The following RPRD1A variants were observed in gnomAD, a reference collection of about 807,000 sequenced individuals.
RPRD1A encodes regulation of nuclear pre-mRNA domain-containing protein 1A.
In RPRD1A, 9 loss-of-function variants were observed where a neutral mutation model predicts 37.8. The observed-to-expected ratio is 0.24, with a 90% CI of 0.14 to 0.42. The LOEUF is 0.42. RPRD1A is among the 10% of genes least tolerant of loss of function. RPRD1A has a pLI of 1.00. For missense variants in RPRD1A, 255 were observed against 371.0 expected, an observed-to-expected ratio of 0.69 and a Z score of 2.57; for synonymous variants, 138 against 139.7, an observed-to-expected ratio of 0.99 and a Z score of 0.08.
intron 1 of RPRD1A, among the ~76,000 whole-genome samples, chr18:36,042,913 T>C (rs1228890904): frequency 6.6e-6 from 1 of 152,168 alleles, no homozygotes; most frequent in Non-Finnish European, 1.5e-5. Context: ...TGCACATACC[T>C]TCTTCACCTT....
chr18:36,008,573 G>GTATGTATGTA lies in RPRD1A; in HGVS notation c.790-15274_790-15273insTACATACATA, dbSNP rs1339247337. 1.8e-3 allele frequency among the ~76,000 whole-genome samples: 66 copies of GTATGTATGTA among 36,632 alleles called. 1 individual carries two copies. Among genetic ancestry groups the GTATGTATGTA allele is most frequent in the African/African-American group, 7.7e-3 (62 of 8,102 alleles). The allele number at this position is 36,632 out of a possible 152,430, so 24.0% of individuals were successfully genotyped here. On this transcript the variant is annotated intron_variant, in intron 6 of 6. Transcript: ENST00000399022. ...CCTGGGCGACACAGCAAGACCTTGT[G>GTATGTATGTA]TGTGTATATATATATATCTTTAAAA...
intron 1 of RPRD1A, among the ~76,000 whole-genome samples, chr18:36,046,861 T>C (rs1476439594): frequency 7.2e-6 from 1 of 137,940 alleles, no homozygotes; most frequent in African/African-American, 2.7e-5. Flanking sequence ...TCTCATAACA[T>C]AACCTCCCAA....
At chr18:36,007,634 T>G (rs192472948) in intron 6 of RPRD1A, among the ~76,000 whole-genome samples, 251 of 152,198 alleles carry the variant, frequency 1.6e-3, no homozygotes, top group Middle Eastern at 6.8e-3. Context: ...AATTTCCAGA[T>G]CGATCTACTA....
intron 1 of RPRD1A, among the ~76,000 whole-genome samples, chr18:36,041,083 G>A (rs1182885050): frequency 1.3e-5 from 2 of 152,164 alleles, no homozygotes; most frequent in African/African-American, 4.8e-5. Context: ...TTTCTGCATA[G>A]TCTCAAATAT....
chr18:36,050,621 A>G (rs1913313011), intron 1 of RPRD1A, among the ~76,000 whole-genome samples: 1 of 152,182 alleles, frequency 6.6e-6, no homozygotes, highest in Admixed American at 6.5e-5. Flanking sequence ...CAGATAGTCA[A>G]TAAGTACATG....
At chr18:36,038,894 C>T (rs980437100) in intron 1 of RPRD1A, among the ~76,000 whole-genome samples, 2 of 152,190 alleles carry the variant, frequency 1.3e-5, no homozygotes, top group Non-Finnish European at 2.9e-5. Flanking sequence ...TTTCTCCCTT[C>T]TGGAACAGGA....
intron 6 of RPRD1A, among the ~76,000 whole-genome samples, chr18:36,017,755 G>A (rs1314843007): frequency 6.6e-6 from 1 of 152,168 alleles, no homozygotes; most frequent in East Asian, 1.9e-4. Context: ...TGAGTGAACA[G>A]GCACAAAGGG....
chr18:36,054,671 C>T (rs150400803), intron 1 of RPRD1A, among the ~76,000 whole-genome samples: 183 of 152,130 alleles, frequency 1.2e-3, no homozygotes, highest in African/African-American at 4.0e-3. Context: ...ACAAGTCCCA[C>T]GATCTGCAGT....
intron 1 of RPRD1A, among the ~76,000 whole-genome samples, chr18:36,043,944 T>C (rs139880821): frequency 9.6e-4 from 146 of 152,306 alleles, no homozygotes; most frequent in African/African-American, 3.3e-3. Flanking sequence ...AGACTATCAC[T>C]GAGCAGAAAC....
intron 6 of RPRD1A, chr18:36,024,970 TTTC>T (rs1568128756): frequency 2.6e-5 from 4 of 152,230 alleles, no homozygotes; most frequent in South Asian, 4.1e-4. Context: ...ATTGAGGTGA[TTTC>T]TTCTTTATAA....
At chr18:36,007,557 C>A (rs1406217760) in intron 6 of RPRD1A, among the ~76,000 whole-genome samples, 1 of 152,186 alleles carries the variant, frequency 6.6e-6, no homozygotes, top group East Asian at 1.9e-4. Context: ...ATAACTGTTA[C>A]ACATTTTTGC....
chr18:36,034,791 T>C (rs1293996832), intron 1 of RPRD1A, among the ~76,000 whole-genome samples: 1 of 152,214 alleles, frequency 6.6e-6, no homozygotes, highest in African/African-American at 2.4e-5. Context: ...AGGCTACATG[T>C]GGTCCTCTAG....
At chr18:36,002,135 T>C (rs1219299035) in intron 6 of RPRD1A, among the ~76,000 whole-genome samples, 1 of 152,178 alleles carries the variant, frequency 6.6e-6, no homozygotes, top group Non-Finnish European at 1.5e-5. Flanking sequence ...GTTTCCTGGA[T>C]CAGTGGTTGG....
intron 1 of RPRD1A, among the ~76,000 whole-genome samples, chr18:36,046,342 C>T (rs1213012370): frequency 1.3e-5 from 2 of 152,138 alleles, no homozygotes; most frequent in Non-Finnish European, 2.9e-5. Context: ...GGCTGTATCA[C>T]AGGAGGCCTA....
intron 6 of RPRD1A, among the ~76,000 whole-genome samples, chr18:36,013,403 T>C (rs1330363917): frequency 2.0e-5 from 3 of 152,090 alleles, no homozygotes; most frequent in East Asian, 3.8e-4. Context: ...AATATACCTA[T>C]AATAAGATTT....
intron 1 of RPRD1A, among the ~76,000 whole-genome samples, chr18:36,039,410 A>G (rs756762519): frequency 1.3e-5 from 2 of 152,238 alleles, no homozygotes; most frequent in Non-Finnish European, 2.9e-5. Flanking sequence ...TATAACCAGG[A>G]GACAGTTATA....
intron 6 of RPRD1A, among the ~76,000 whole-genome samples, chr18:36,021,919 A>G (rs1429355405): frequency 6.6e-6 from 1 of 152,158 alleles, no homozygotes; most frequent in Non-Finnish European, 1.5e-5. Flanking sequence ...AAGGATTGCT[A>G]GAGCCCAGGA....
intron 1 of RPRD1A, among the ~76,000 whole-genome samples, chr18:36,035,780 CG>C (rs1912148129): frequency 6.6e-6 from 1 of 152,020 alleles, no homozygotes; most frequent in African/African-American, 2.4e-5. Flanking sequence ...GAAATGTTGA[CG>C]CATGTTACAA....
intron 1 of RPRD1A, 21 bp downstream of exon 1, chr18:36,067,233 C>T (rs778319023): frequency 1.3e-6 from 2 of 1,547,962 alleles, no homozygotes; most frequent in Admixed American, 1.9e-5. Flanking sequence ...GGGAAGCGGC[C>T]GACATAAGCG....
Sources: allele counts gnomAD v4.1 joint callset (sites outside exome capture counted in the v4.1 genomes callset), GRCh38; gene constraint gnomAD v4.1.1; transcripts MANE v1.5; gene names NCBI Gene and HGNC (gene_info 2026-07-23, HGNC 2026-07-21).